The following CDH3 variants were observed in gnomAD, a reference collection of about 807,000 sequenced individuals.
The protein encoded by CDH3 is cadherin-3.
Under a neutral mutation model 82.0 loss-of-function variants are expected in CDH3, and 54 were observed. The observed-to-expected ratio is 0.66, with a 90% CI of 0.53 to 0.83. The LOEUF (loss-of-function observed/expected upper bound fraction) is 0.83. Among genes scored for constraint, CDH3 ranks in the 40% least tolerant of loss-of-function variants. CDH3 has a pLI of 0.00. For synonymous variants in CDH3, 446 were observed against 437.9 expected, an observed-to-expected ratio of 1.02 and a Z score of -0.23; for missense variants, 1,054 against 1,084.6, an observed-to-expected ratio of 0.97 and a Z score of 0.40.
Position 68,679,958 on chromosome 16 carries a change from G to A in CDH3, c.851G>A (p.Ser284Asn). ...ACAGGCACCATCAGCGTCATCTCCA[G>A]TGGCCTGGACCGGGAAGTGAGTGGC... Reference protein sequence around the residue: ...RSTGTISVISSGLDREKVPEY... With the variant: ...RSTGTISVISNGLDREKVPEY... The change falls in exon 7 of 16, where the codon AGT becomes AAT. Residue 284 changes from serine to asparagine, a missense_variant. By Grantham distance (46) the Ser-to-Asn change is conservative. Coordinates refer to ENST00000264012, the MANE Select transcript of CDH3 (RefSeq NM_001793.6). 1 of 1,614,214 alleles carries A rather than the reference G, an allele frequency of 6.2e-7. No homozygotes were observed. Among genetic ancestry groups the A allele is most frequent in the South Asian group, 1.1e-5 (1 of 91,082 alleles).
chr16:68,701,259 G>C (rs1381884196), downstream of CDH3, among the ~76,000 whole-genome samples: 1 of 152,092 alleles, frequency 6.6e-6, no homozygotes, highest in East Asian at 1.9e-4. Flanking sequence ...GGTTTAGAAA[G>C]AATCAGAGCC....
At chr16:68,671,521 CTTTTTTTTT>C (rs34475405) in intron 2 of CDH3, among the ~76,000 whole-genome samples, 1 of 122,016 alleles carries the variant, frequency 8.2e-6, no homozygotes, top group African/African-American at 3.0e-5. Flanking sequence ...TTCATTTTAC[CTTTTTTTTT>C]TTTTTTTTTT....
At chr16:68,711,028 A>T (rs1363651173) in intron 1 of CDH3, among the ~76,000 whole-genome samples, 1 of 116,278 alleles carries the variant, frequency 8.6e-6, no homozygotes, top group African/African-American at 3.2e-5. Context: ...GGAGGGGAGG[A>T]GAGAAGGCGA....
At chr16:68,680,876 CCA>C (rs780644459) in intron 7 of CDH3, 90 bp from the exon 8 acceptor site, 116 of 1,410,148 alleles carry the variant, frequency 8.2e-5, no homozygotes, top group Admixed American at 1.7e-5. Flanking sequence ...TCCTCTCCAT[CCA>C]CACACCCATG....
chr16:68,676,189 C>T (rs1961028246), intron 2 of CDH3, among the ~76,000 whole-genome samples, 196 bp from the exon 3 acceptor site: 1 of 152,178 alleles, frequency 6.6e-6, no homozygotes, highest in Non-Finnish European at 1.5e-5. Flanking sequence ...TCTTCCCTCT[C>T]GAAACCAAAC....
intron 2 of CDH3, chr16:68,646,064 G>T (rs1013723182): frequency 1.7e-5 from 7 of 415,380 alleles, no homozygotes; most frequent in African/African-American, 1.4e-4. Flanking sequence ...GGCCCCAGCA[G>T]AGGAATGCGC....
chr16:68,728,456 G>A (rs561350063), downstream of CDH3, among the ~76,000 whole-genome samples: 2 of 151,878 alleles, frequency 1.3e-5, no homozygotes, highest in African/African-American at 4.8e-5. Flanking sequence ...GTGAGCCACC[G>A]CGCCTGGCCT....
In CDH3 at chr16:68,708,051, G is replaced by A. The variant is rs183768580; in HGVS notation, c.99+12128G>A. 8.5e-4 allele frequency among the ~76,000 whole-genome samples: 130 copies of A among 152,056 alleles called. 1 individual carries two copies. The highest frequency in any genetic ancestry group is 2.2e-3 in the Admixed American group (33 of 15,254). On this transcript the variant is annotated intron_variant, in intron 1 of 2. Transcript: ENST00000569080. ...CACTAATTACAAGAATGATAGACTGGGCGCAGTGACTCAAGACTGTAATCT... is the reference window on the plus strand; with the variant it reads ...CACTAATTACAAGAATGATAGACTGAGCGCAGTGACTCAAGACTGTAATCT...
chr16:68,695,403 C>G lies in CDH3; in HGVS notation c.2133+18C>G. 6.3e-7 allele frequency: 1 copy of G among 1,597,694 alleles called. No homozygotes were observed. The highest frequency in any genetic ancestry group is 8.5e-7 in the Non-Finnish European group (1 of 1,172,286). The stretch of plus-strand genomic sequence containing the variant: ...AGGACCAGGTGGGGCACTGGGGGCT[C>G]TGGGATTGGGAGGTGGATGCCCCTA... On this transcript the variant is annotated intron_variant, in intron 14 of 15. Coordinates refer to ENST00000264012, the MANE Select transcript of CDH3 (RefSeq NM_001793.6).
At chr16:68,651,611 C>A in intron 2 of CDH3, 1 of 506,904 alleles carries the variant, frequency 2.0e-6, no homozygotes. Flanking sequence ...GCATCATGTT[C>A]CCACTCTCAA....
intron 2 of CDH3, among the ~76,000 whole-genome samples, chr16:68,662,590 C>CAGGCTAG (rs1960618376): frequency 6.8e-6 from 1 of 146,058 alleles, no homozygotes; most frequent in African/African-American, 2.5e-5. Context: ...CTCTGTCGCC[C>CAGGCTAG]AGGCTAGAGT....
At chr16:68,648,237 G>C (rs1960134773) in intron 2 of CDH3, among the ~76,000 whole-genome samples, 1 of 152,102 alleles carries the variant, frequency 6.6e-6, no homozygotes, top group African/African-American at 2.4e-5. Flanking sequence ...CTTCTTTGAG[G>C]GTGACAGACA....
At chr16:68,672,532 G>C (rs1960915047) in intron 2 of CDH3, among the ~76,000 whole-genome samples, 1 of 152,190 alleles carries the variant, frequency 6.6e-6, no homozygotes, top group African/African-American at 2.4e-5. Context: ...CAGAAGATGA[G>C]TCTACAAAGC....
At position 68,671,155 on chromosome 16, in the gene CDH3, C is replaced by CT. The variant is rs777512178; in HGVS notation, c.161-5213dup. On this transcript the variant is annotated intron_variant, in intron 2 of 15. Coordinates refer to ENST00000264012, the MANE Select transcript of CDH3 (RefSeq NM_001793.6). ...AGGGGAGGGATTTTAGATTGATGTA[C>CT]TTTTTTTTTTTTTTTTTAAGAGACA... Among the ~76,000 whole-genome samples, 671 of 139,414 alleles carry CT rather than the reference C, an allele frequency of 4.8e-3. 2 individuals are homozygous for CT. Among genetic ancestry groups the CT allele is most frequent in the Middle Eastern group, 0.034 (9 of 268 alleles). The allele number at this position is 139,414 out of a possible 152,430, so 91.5% of individuals were successfully genotyped here. A position where few individuals can be genotyped will look rare whatever the true frequency, so the allele number is the denominator to read the frequency against.
chr16:68,689,836 G>GGA (rs1266199661), intron 12 of CDH3, among the ~76,000 whole-genome samples: 1 of 151,958 alleles, frequency 6.6e-6, no homozygotes, highest in African/African-American at 2.4e-5. Flanking sequence ...GACAACCCGG[G>GGA]GAGGGGGTGG....
chr16:68,646,592 C>A (rs1960078676), intron 2 of CDH3, among the ~76,000 whole-genome samples: 1 of 151,624 alleles, frequency 6.6e-6, no homozygotes, highest in Non-Finnish European at 1.5e-5. Context: ...GAGACCCAGG[C>A]GGTTGGTTGC....
At chr16:68,682,544 C>T in intron 9 of CDH3, 57 bp downstream of exon 9, 1 of 1,545,056 alleles carries the variant, frequency 6.5e-7, no homozygotes, top group South Asian at 1.1e-5. Context: ...GGTCTGCAGC[C>T]TTCAGGATGA....
At chr16:68,715,395 C>G (rs865901767) in intron 1 of CDH3, among the ~76,000 whole-genome samples, 11 of 148,792 alleles carry the variant, frequency 7.4e-5, no homozygotes, top group South Asian at 2.1e-4. Context: ...TCACTGCACT[C>G]CAGCCTGGGC....
intron 2 of CDH3, chr16:68,651,071 C>A: frequency 2.4e-6 from 1 of 424,682 alleles, no homozygotes; most frequent in Non-Finnish European, 4.4e-6. Flanking sequence ...TATTCAGGGG[C>A]CTTCCCTGGG....
Sources: gnomAD v4.1 joint callset for allele counts (sites outside exome capture counted in the v4.1 genomes callset) on GRCh38, gnomAD v4.1.1 for gene constraint, MANE v1.5 for transcripts, NCBI Gene and HGNC (gene_info 2026-07-23, HGNC 2026-07-21) for gene names.